The following NTAQ1 variants were observed in gnomAD, a reference collection of about 807,000 sequenced individuals.
The protein encoded by NTAQ1 is N-terminal glutamine amidase 1.
In NTAQ1, 21 loss-of-function variants were observed where a neutral mutation model predicts 28.2. The ratio of observed to expected loss-of-function variants is 0.74; its 90% CI spans 0.53 to 1.07. The LOEUF (loss-of-function observed/expected upper bound fraction) is 1.07, where lower values mean the gene tolerates loss of function less well. NTAQ1 is among the 50% of genes least tolerant of loss of function. NTAQ1 has a pLI of 0.00. For synonymous variants in NTAQ1, 105 were observed against 90.0 expected (o/e 1.17, Z -0.94); for missense variants, 264 against 256.6 (o/e 1.03, Z -0.20).
chr8:123,467,842 C>T (rs1016814559), exon 7 of NTAQ1, among the ~76,000 whole-genome samples: 9 of 152,192 alleles, frequency 5.9e-5, no homozygotes, highest in African/African-American at 9.7e-5. Context: ...CTCTGCCTCC[C>T]GGGTTCAAGC....
At chr8:123,451,932 C>T (rs28471679), downstream of NTAQ1, among the ~76,000 whole-genome samples, 55,074 of 151,946 alleles carry the variant, frequency 0.36, 10,094 homozygotes, top group East Asian at 0.56. Context: ...TTTTTCAAAC[C>T]GGTTTTGTCT....
intron 3 of NTAQ1, among the ~76,000 whole-genome samples, chr8:123,434,069 TAA>T: frequency 6.6e-6 from 1 of 152,028 alleles, no homozygotes; most frequent in East Asian, 1.9e-4. Flanking sequence ...CTCCATTTTA[TAA>T]AAGAGCAGAG....
intron 6 of NTAQ1, among the ~76,000 whole-genome samples, chr8:123,458,507 A>G (rs1485563804): frequency 1.3e-5 from 2 of 152,066 alleles, no homozygotes; most frequent in African/African-American, 2.4e-5. Context: ...TCTGTGGCAT[A>G]TATGGCATTA....
downstream of NTAQ1, among the ~76,000 whole-genome samples, chr8:123,443,476 C>A (rs1815156603): frequency 6.6e-6 from 1 of 152,212 alleles, no homozygotes; most frequent in Admixed American, 6.5e-5. Context: ...TTCAGCTTGC[C>A]CTTGAATTCT....
intron 6 of NTAQ1, among the ~76,000 whole-genome samples, chr8:123,458,033 C>CA (rs201846882): frequency 0.18 from 15,691 of 84,836 alleles, 1,535 homozygotes; most frequent in Non-Finnish European, 0.25. Context: ...GACTCTGTCT[C>CA]AAAAAAAAAA....
chr8:123,436,978 A>G (rs950587919), intron 4 of NTAQ1, among the ~76,000 whole-genome samples: 1 of 152,142 alleles, frequency 6.6e-6, no homozygotes, highest in Admixed American at 6.6e-5. Flanking sequence ...ACACAAATCG[A>G]GTAAATCGAG....
chr8:123,473,587 G>A (rs769235674), downstream of NTAQ1, among the ~76,000 whole-genome samples: 10 of 152,126 alleles, frequency 6.6e-5, no homozygotes, highest in Admixed American at 2.0e-4. Flanking sequence ...CACCATGCCC[G>A]GCCTGTATTT....
At chr8:123,435,656 C>A in intron 3 of NTAQ1, 1 of 422,606 alleles carries the variant, frequency 2.4e-6, no homozygotes, top group Non-Finnish European at 3.2e-6. Context: ...CACTTGAGGC[C>A]AGAAGTTGGA....
At chr8:123,464,149 G>A (rs1177333147) in intron 6 of NTAQ1, among the ~76,000 whole-genome samples, 1 of 152,150 alleles carries the variant, frequency 6.6e-6, no homozygotes, top group Non-Finnish European at 1.5e-5. Context: ...TCAGGTATGT[G>A]TTTATTAGCA....
chr8:123,457,330 G>A (rs569291801), intron 6 of NTAQ1, among the ~76,000 whole-genome samples: 1 of 152,018 alleles, frequency 6.6e-6, no homozygotes, highest in East Asian at 1.9e-4. Flanking sequence ...GCCTCCCAAA[G>A]TGCTAGGATT....
chr8:123,433,801 A>G (rs1336027752), intron 3 of NTAQ1, among the ~76,000 whole-genome samples: 2 of 152,212 alleles, frequency 1.3e-5, no homozygotes, highest in Admixed American at 6.5e-5. Flanking sequence ...TTCTAGCAGC[A>G]CTATGAGGTA....
chr8:123,436,169 C>CAAAA (rs34240319), intron 3 of NTAQ1, among the ~76,000 whole-genome samples: 4 of 85,934 alleles, frequency 4.7e-5, no homozygotes, highest in African/African-American at 1.0e-4. Context: ...GACTCCATCT[C>CAAAA]AAAAAAAAAA....
chr8:123,471,824 A>C (rs367995204), downstream of NTAQ1, among the ~76,000 whole-genome samples: 79 of 152,330 alleles, frequency 5.2e-4, no homozygotes, highest in African/African-American at 1.7e-3. Context: ...TGTTACTCTC[A>C]TCCAAAAACA....
intron 6 of NTAQ1, among the ~76,000 whole-genome samples, chr8:123,460,592 A>G (rs1217487430): frequency 6.6e-6 from 1 of 152,238 alleles, no homozygotes; most frequent in African/African-American, 2.4e-5. Context: ...TTGAACCACA[A>G]GATGTGATGT....
At chr8:123,422,798 C>T (rs1015720808) in intron 1 of NTAQ1, among the ~76,000 whole-genome samples, 1 of 152,004 alleles carries the variant, frequency 6.6e-6, no homozygotes, top group Non-Finnish European at 1.5e-5. Context: ...AGTCTTTAAT[C>T]CATCTTGAGT....
downstream of NTAQ1, among the ~76,000 whole-genome samples, chr8:123,452,707 G>A (rs765291483): frequency 2.0e-3 from 303 of 151,126 alleles, no homozygotes; most frequent in Non-Finnish European, 3.5e-3. Context: ...TTTGAGACCA[G>A]CCCGACCAAC....
chr8:123,441,477 T>A lies in NTAQ1; in HGVS notation c.*62T>A, dbSNP rs1272158545. 1.8e-5 allele frequency: 23 copies of A among 1,301,166 alleles called. No individual in the cohort carries two copies. Among genetic ancestry groups the A allele is most frequent in the African/African-American group, 1.5e-5 (1 of 67,570 alleles). 80.6% of individuals were successfully genotyped at this position (1,301,166 alleles called of 1,614,324 possible). A position where few individuals can be genotyped will look rare whatever the true frequency, so the allele number is the denominator to read the frequency against. On this transcript the variant is annotated 3_prime_UTR_variant, in exon 6 of 6. Coordinates refer to ENST00000287387, the MANE Select transcript of NTAQ1 (RefSeq NM_018024.3). ...AGGACATGAACAAGCTATCCTTTCA[T>A]CGAGGACAGCAAACATTATGGTACA...
At chr8:123,431,751 C>G (rs921313826) in intron 3 of NTAQ1, among the ~76,000 whole-genome samples, 2 of 152,176 alleles carry the variant, frequency 1.3e-5, no homozygotes, top group Non-Finnish European at 2.9e-5. Flanking sequence ...CAGTGTCTCC[C>G]CCTGGTCAGT....
rs186265354 is a variant in NTAQ1 at position 123,441,089 on chromosome 8, C to G, written c.509-217C>G. Among the ~76,000 whole-genome samples, 43 of 152,204 alleles carry G rather than the reference C, an allele frequency of 2.8e-4. 1 individual carries two copies. Among genetic ancestry groups the G allele is most frequent in the Admixed American group, 5.2e-4 (8 of 15,268 alleles). ...GGAGCTCTGACTCTCTGTGTAGTCC[C>G]CTCTTCACTGATATTCTGTTTCCCT... On this transcript the variant is annotated intron_variant, in intron 5 of 5. Transcript: ENST00000287387.
Sources: gnomAD v4.1 joint callset for allele counts (sites outside exome capture counted in the v4.1 genomes callset) on GRCh38, gnomAD v4.1.1 for gene constraint, MANE v1.5 for transcripts, NCBI Gene and HGNC (gene_info 2026-07-23, HGNC 2026-07-21) for gene names.